TMEM200C: variants seen among roughly 807,000 people sequenced by gnomAD.
TMEM200C encodes the protein transmembrane protein 200C, also known as transmembrane protein TTMA.
For missense variants in TMEM200C, 966 were observed against 699.9 expected, an observed-to-expected ratio of 1.38 and a Z score of -4.29; for synonymous variants, 462 against 324.7, an observed-to-expected ratio of 1.42 and a Z score of -4.55.
exon 3 of TMEM200C, chr18:5,890,312 C>T: frequency 6.2e-7 from 1 of 1,603,992 alleles, no homozygotes; most frequent in Non-Finnish European, 8.5e-7. Flanking sequence ...GTTGCTCGGC[C>T]GTGGGTGGCT....
Position 5,890,590 on chromosome 18 carries a change from TC to T in TMEM200C, c.1473del (p.Ser492ValfsTer63). ...AGAGGGCTGGAGTCCGGGTCCGCAC[TC>T]CCCGGGGAGGGCGGGGGCTCGGGGG... On this transcript the variant is annotated frameshift_variant, in exon 3 of 3. Transcript: ENST00000581347. LOFTEE classifies it low-confidence loss of function (END_TRUNC). 1.8e-6 allele frequency: 2 copies of T among 1,086,096 alleles called. No homozygotes were observed. The highest frequency in any genetic ancestry group is 4.6e-5 in the Admixed American group (1 of 21,884). The allele number at this position is 1,086,096 out of a possible 1,614,324, so 67.3% of individuals were successfully genotyped here.
At chr18:5,892,671 C>T (rs1039567877) in intron 2 of TMEM200C, among the ~76,000 whole-genome samples, 3 of 152,220 alleles carry the variant, frequency 2.0e-5, no homozygotes, top group African/African-American at 7.2e-5. Flanking sequence ...GTCACTAAAA[C>T]AGTCAGGAAA....
chr18:5,895,220 C>G (rs2095174843), exon 2 of TMEM200C: 1 of 151,878 alleles, frequency 6.6e-6, no homozygotes, highest in African/African-American at 2.4e-5. Flanking sequence ...CCCGCCGGCG[C>G]TGTGGCGGGA....
At chr18:5,892,246 C>T in intron 2 of TMEM200C, 89 bp from the exon 2 acceptor site, 1 of 638,634 alleles carries the variant, frequency 1.6e-6, no homozygotes, top group Non-Finnish European at 2.7e-6. Context: ...GATCCCACTC[C>T]GTGTGTGCCC....
exon 3 of TMEM200C, chr18:5,882,347 C>T (rs1049619877): frequency 3.3e-5 from 5 of 151,994 alleles, no homozygotes; most frequent in South Asian, 2.1e-4. Flanking sequence ...CATTTAATTG[C>T]CACTGACTTA....
chr18:5,891,393 G>C lies in TMEM200C; in HGVS notation c.671C>G (p.Ala224Gly), dbSNP rs2095170891. ...CGAAGAGGCGGCGGCGGCCGCGGCG[G>C]CGGCCGCGGCGGCCGCCAGGTCTTT... Residue 224 changes from alanine (A) to glycine (G), a missense_variant, in exon 3 of 3, where the codon GCC becomes GGC. By Grantham distance (60) the Ala-to-Gly change is moderately conservative (BLOSUM62 0). Transcript: ENST00000581347. The surrounding 1 kb of genome is among the most constrained non-coding windows in gnomAD (Gnocchi z 4.7). 2 of 1,349,018 alleles carry C rather than the reference G, an allele frequency of 1.5e-6. No individual in the cohort carries two copies. Among genetic ancestry groups the C allele is most frequent in the Admixed American group, 4.0e-5 (1 of 25,286 alleles). The allele number at this position is 1,349,018 out of a possible 1,614,324, so 83.6% of individuals were successfully genotyped here. A position where few individuals can be genotyped will look rare whatever the true frequency, so the allele number is the denominator to read the frequency against.
exon 3 of TMEM200C, chr18:5,890,172 T>A (rs753644796): frequency 6.7e-7 from 1 of 1,493,448 alleles, no homozygotes. Flanking sequence ...ATTTTCTCTT[T>A]CCTCCTCCCC....
Position 5,891,949 on chromosome 18 carries a change from C to T in TMEM200C, c.115G>A (p.Val39Met). 4 of 1,613,982 alleles carry T rather than the reference C, an allele frequency of 2.5e-6. No individual in the cohort carries two copies. The highest frequency in any genetic ancestry group is 1.3e-5 in the African/African-American group (1 of 75,070). ...TTCAGCTTGCCTTTCACCACCACCA[C>T]GTCGTTCTTGCGCCTCTTCTTGGCT... The change falls in exon 3 of 3, where the codon GTG (valine) becomes ATG (methionine). Residue 39 changes from valine (V) to methionine (M), a missense_variant. Transcript: ENST00000581347. This position sits in a 1 kb window ranked among gnomAD's most constrained non-coding sequence, Gnocchi z 4.7.
chr18:5,891,348 G>A lies in TMEM200C; in HGVS notation c.716C>T (p.Ala239Val). Residue 239 changes from alanine to valine, a missense_variant, in exon 3 of 3, where the codon GCG becomes GTG. By Grantham distance (64) the Ala-to-Val change is moderately conservative. Transcript: ENST00000581347. This position sits in a 1 kb window ranked among gnomAD's most constrained non-coding sequence, Gnocchi z 4.7. ...GAGCGGTATGGCCCCGGGGGGCGCC[G>A]CGGCGGGGGCAGACGACGACGAAGA... is the stretch of plus-strand genomic sequence containing the variant. 7.5e-7 allele frequency: 1 copy of A among 1,325,876 alleles called. No individual in the cohort carries two copies. The highest frequency in any genetic ancestry group is 9.6e-7 in the Non-Finnish European group (1 of 1,040,616). 82.1% of individuals were successfully genotyped at this position (1,325,876 alleles called of 1,614,324 possible).
chr18:5,895,685 G>C (rs1366085812), intron 1 of TMEM200C, among the ~76,000 whole-genome samples, 163 bp from the exon 1 acceptor site: 64 of 150,174 alleles, frequency 4.3e-4, no homozygotes, highest in Admixed American at 1.4e-3. Flanking sequence ...CCGATTCCTC[G>C]GGGAGGAGGA....
rs2144450792 is a variant in TMEM200C, at chr18:5,891,213, C to T, written c.851G>A (p.Trp284Ter). Residue 284 changes from tryptophan (W) to a stop codon, truncating the protein, a stop_gained, in exon 3 of 3, where the codon TGG (tryptophan) becomes TAG (stop). Coordinates refer to ENST00000581347, the Ensembl canonical transcript of TMEM200C. LOFTEE classifies it low-confidence loss of function (END_TRUNC). The surrounding 1 kb of genome is among the most constrained non-coding windows in gnomAD (Gnocchi z 4.7). ...GCTCGGCGCCGCGGGGTGAGGAGGCCACGAGCCCTTGGCCAGCATCGCCGC... is the reference window on the plus strand; with the variant it reads ...GCTCGGCGCCGCGGGGTGAGGAGGCTACGAGCCCTTGGCCAGCATCGCCGC... 1 of 1,181,060 alleles carries T rather than the reference C, an allele frequency of 8.5e-7. No homozygotes were observed. The highest frequency in any genetic ancestry group is 3.3e-5 in the East Asian group (1 of 29,974). The allele number at this position is 1,181,060 out of a possible 1,614,324, so 73.2% of individuals were successfully genotyped here.
chr18:5,886,737 C>T (rs1219697272), exon 3 of TMEM200C: 1 of 151,938 alleles, frequency 6.6e-6, no homozygotes, highest in Non-Finnish European at 1.5e-5. Context: ...GTGCCAAATT[C>T]CATTTATTAT....
In TMEM200C at chr18:5,895,033, G is replaced by A. The variant is rs1031548606; in HGVS notation, c.-98C>T. 4.6e-5 allele frequency: 7 copies of A among 152,404 alleles called. No individual in the cohort carries two copies. In the East Asian group the frequency reaches 1.2e-3, roughly 25 times the overall value. The allele number at this position is 152,404 out of a possible 1,614,324, so 9.4% of individuals were successfully genotyped here. ...GCACGCAAGATCGCTCACTTACCCA[G>A]GGAGACCGAGGGAGGTCGGGGCCGG... On this transcript the variant is annotated 5_prime_UTR_variant, in exon 2 of 3. Transcript: ENST00000581347.
At chr18:5,892,791 C>G (rs1260047601) in intron 2 of TMEM200C, among the ~76,000 whole-genome samples, 1 of 152,148 alleles carries the variant, frequency 6.6e-6, no homozygotes, top group Non-Finnish European at 1.5e-5. Flanking sequence ...GAGAGTTCAC[C>G]ACTGGGGAAG....
At chr18:5,890,362 G>C in exon 3 of TMEM200C, 1 of 1,595,086 alleles carries the variant, frequency 6.3e-7, no homozygotes, top group Non-Finnish European at 8.6e-7. Context: ...TCCGCACCCA[G>C]AACGGGGGCG....
intron 2 of TMEM200C, among the ~76,000 whole-genome samples, chr18:5,893,835 G>A (rs1029704461): frequency 1.3e-5 from 2 of 152,130 alleles, no homozygotes; most frequent in Non-Finnish European, 2.9e-5. Context: ...AGAAGCACCA[G>A]GTAGATAAGA....
chr18:5,889,597 C>T (rs569823338), exon 3 of TMEM200C: 1 of 152,252 alleles, frequency 6.6e-6, no homozygotes, highest in Non-Finnish European at 1.5e-5. Flanking sequence ...AAAACGTACA[C>T]ACCCGTTTAA....
At chr18:5,894,612 G>C (rs962823066) in intron 2 of TMEM200C, among the ~76,000 whole-genome samples, 13 of 152,232 alleles carry the variant, frequency 8.5e-5, no homozygotes, top group Non-Finnish European at 1.8e-4. Flanking sequence ...CTCCGCTCAA[G>C]ATGGATTAAG....
exon 3 of TMEM200C, chr18:5,882,734 C>T (rs564027950): frequency 2.0e-4 from 31 of 152,126 alleles, no homozygotes; most frequent in African/African-American, 7.2e-4. Flanking sequence ...ACTATAAATG[C>T]ATTCAATTTT....
Sources: allele counts gnomAD v4.1 joint callset (sites outside exome capture counted in the v4.1 genomes callset), GRCh38; gene constraint gnomAD v4.1.1; non-coding constraint Gnocchi (gnomAD v3.1); transcripts MANE v1.5; gene names NCBI Gene and HGNC (gene_info 2026-07-23, HGNC 2026-07-21).